Variants in SIK3 observed in about 807,000 individuals in gnomAD.
The protein encoded by SIK3 is SIK family kinase 3, also known as serine/threonine-protein kinase SIK3.
SIK3 carries 28 observed loss-of-function variants against 144.2 expected under a neutral mutation model. The ratio of observed to expected loss-of-function variants is 0.19; its 90% CI spans 0.14 to 0.27. SIK3 has a LOEUF of 0.27. Among genes scored for constraint, SIK3 ranks in the 10% least tolerant of loss-of-function variants. The pLI, the probability that SIK3 is intolerant of heterozygous loss-of-function variation, is 1.00. For synonymous variants in SIK3, 686 were observed against 676.3 expected (o/e 1.01, Z -0.22); for missense variants, 1,319 against 1,776.0 (o/e 0.74, Z 4.62).
intron 1 of SIK3, among the ~76,000 whole-genome samples, chr11:116,982,943 CAAAAAAAA>C (rs35698580): frequency 4.3e-5 from 3 of 69,854 alleles, no homozygotes; most frequent in Admixed American, 2.0e-4. Flanking sequence ...GACTCCGTCT[CAAAAAAAA>C]AAAAAAAAAA....
intron 1 of SIK3, among the ~76,000 whole-genome samples, chr11:117,061,754 A>G (rs1178839533): frequency 2.6e-5 from 4 of 152,190 alleles, no homozygotes; most frequent in African/African-American, 4.8e-5. Context: ...ATTCGCTGGT[A>G]TGATTATTAT....
chr11:116,855,100 A>AAAAAC (rs1418939192), intron 21 of SIK3, among the ~76,000 whole-genome samples: 3 of 146,482 alleles, frequency 2.0e-5, no homozygotes, highest in African/African-American at 7.5e-5. Context: ...AAAAAAAAAA[A>AAAAAC]AAAAAAAAAC....
At chr11:117,052,537 T>C (rs551223837) in intron 1 of SIK3, among the ~76,000 whole-genome samples, 2 of 152,182 alleles carry the variant, frequency 1.3e-5, no homozygotes, top group Non-Finnish European at 2.9e-5. Context: ...CTTCTCTGAA[T>C]CACATTTTAA....
Position 117,046,752 on chromosome 11 carries a change from C to T in SIK3, c.273+51391G>A, listed in dbSNP as rs916120980. The stretch of plus-strand genomic sequence containing the variant: ...AAAATTAGTCACACACGGTGGTACT[C>T]GCCTGTAGTCCCAGCTGCTCAGGAG... On this transcript the variant is annotated intron_variant, in intron 1 of 24. Coordinates refer to ENST00000445177, the MANE Select transcript of SIK3 (RefSeq NM_001366686.3). 8.5e-5 allele frequency among the ~76,000 whole-genome samples: 13 copies of T among 152,218 alleles called. No homozygotes were observed. In the South Asian group the frequency reaches 1.0e-3, roughly 12 times the overall value.
chr11:117,009,655 A>AC (rs779609873), intron 1 of SIK3, among the ~76,000 whole-genome samples: 23 of 152,352 alleles, frequency 1.5e-4, no homozygotes, highest in Middle Eastern at 3.4e-3. Context: ...AGGCACAATT[A>AC]CTTTATAGGC....
rs190428013 is a variant in SIK3, at chr11:117,056,427, T to C, written c.273+41716A>G. The stretch of plus-strand genomic sequence containing the variant: ...CATTAGGAGATATACCTTATGTAAA[T>C]GATGAGTTAATGAGTGCAGCACACC... On this transcript the variant is annotated intron_variant, in intron 1 of 24. Coordinates refer to ENST00000445177, the MANE Select transcript of SIK3 (RefSeq NM_001366686.3). 2.0e-3 allele frequency among the ~76,000 whole-genome samples: 306 copies of C among 151,986 alleles called. 3 individuals carry two copies. The highest frequency in any genetic ancestry group is 6.9e-3 in the African/African-American group (286 of 41,452).
chr11:116,950,984 C>T (rs1948908469), intron 3 of SIK3, among the ~76,000 whole-genome samples: 2 of 152,194 alleles, frequency 1.3e-5, no homozygotes, highest in African/African-American at 4.8e-5. Context: ...GGCAGGTCAG[C>T]AGAGCTCCTC....
At chr11:116,946,007 T>TA (rs1565485209) in intron 3 of SIK3, among the ~76,000 whole-genome samples, 1 of 152,194 alleles carries the variant, frequency 6.6e-6, no homozygotes, top group Non-Finnish European at 1.5e-5. Flanking sequence ...TTCTTCTACC[T>TA]AAAAAATTGC....
intron 4 of SIK3, among the ~76,000 whole-genome samples, chr11:116,923,558 T>A (rs896389391): frequency 6.6e-6 from 1 of 152,048 alleles, no homozygotes; most frequent in African/African-American, 2.4e-5. Context: ...AGAAAGGAGG[T>A]TCAGGCAATG....
chr11:117,045,105 T>C (rs1952901436), intron 1 of SIK3, among the ~76,000 whole-genome samples: 1 of 152,176 alleles, frequency 6.6e-6, no homozygotes, highest in African/African-American at 2.4e-5. Context: ...CATTTCAACA[T>C]TGCTCTTCCC....
In SIK3 at chr11:116,861,907, TGAG is replaced by T; in HGVS notation, c.2246_2248del (p.Pro749del). The T allele has an allele frequency of 1.2e-6, 2 of 1,611,048 alleles. No individual in the cohort carries two copies. The highest frequency in any genetic ancestry group is 1.7e-6 in the Non-Finnish European group (2 of 1,178,818). On this transcript the variant is annotated inframe_deletion, in exon 18 of 25. Transcript: ENST00000445177. ...TGCAGCCTGAAGAGGTGGAGATGGC[TGAG>T]GAGGACAGATAGAGTCCTAAAACAT...
chr11:116,905,270 T>C (rs1945966142), intron 4 of SIK3, among the ~76,000 whole-genome samples: 1 of 152,272 alleles, frequency 6.6e-6, no homozygotes, highest in South Asian at 2.1e-4. Flanking sequence ...ATCCATGTTG[T>C]TGCCTATGTC....
At chr11:117,027,958 C>G (rs1021336438) in intron 1 of SIK3, among the ~76,000 whole-genome samples, 2 of 152,198 alleles carry the variant, frequency 1.3e-5, no homozygotes, top group Non-Finnish European at 2.9e-5. Flanking sequence ...TCACTTCGTT[C>G]AAGACAATGC....
chr11:116,894,590 A>G (rs918025546), intron 6 of SIK3, among the ~76,000 whole-genome samples: 4 of 152,302 alleles, frequency 2.6e-5, no homozygotes, highest in East Asian at 3.9e-4. Flanking sequence ...TTCAAATTCT[A>G]CTTCAGCCAC....
At chr11:117,044,698 T>C (rs527795814) in intron 1 of SIK3, among the ~76,000 whole-genome samples, 97 of 151,750 alleles carry the variant, frequency 6.4e-4, no homozygotes, top group African/African-American at 2.2e-3. Flanking sequence ...TTGGGCAACA[T>C]AGGGAGACCC....
chr11:116,951,927 C>T (rs1948953503), intron 3 of SIK3, among the ~76,000 whole-genome samples: 1 of 145,754 alleles, frequency 6.9e-6, no homozygotes, highest in African/African-American at 2.5e-5. Flanking sequence ...AGCCAAGACC[C>T]TAGCTCAAAA....
intron 1 of SIK3, among the ~76,000 whole-genome samples, chr11:117,045,280 T>G (rs769484820): frequency 1.3e-5 from 2 of 152,224 alleles, no homozygotes; most frequent in African/African-American, 2.4e-5. Context: ...CTCCCCTCTC[T>G]GGCCTCCTAA....
rs1565345789 is a variant in SIK3 at position 116,844,647 on chromosome 11, T to TA, written c.*995_*996insT. On this transcript the variant is annotated 3_prime_UTR_variant, in exon 25 of 25. Transcript: ENST00000445177. ...TATATATAATATATTATATTATATA[T>TA]TATATATATAATATATATATACACA... 14 of 109,510 alleles carry TA rather than the reference T, an allele frequency of 1.3e-4. No homozygotes were observed. Among genetic ancestry groups the TA allele is most frequent in the South Asian group, 1.2e-3 (4 of 3,202 alleles). The allele number at this position is 109,510 out of a possible 1,614,324, so 6.8% of individuals were successfully genotyped here. A position where few individuals can be genotyped will look rare whatever the true frequency, so the allele number is the denominator to read the frequency against.
intron 1 of SIK3, among the ~76,000 whole-genome samples, chr11:117,081,599 GGGC>G (rs1954790993): frequency 6.6e-6 from 1 of 152,144 alleles, no homozygotes; most frequent in African/African-American, 2.4e-5. Flanking sequence ...ACTCCAGCGT[GGGC>G]GACAGAGCGA....
Sources: gnomAD v4.1 joint callset for allele counts (sites outside exome capture counted in the v4.1 genomes callset) on GRCh38, gnomAD v4.1.1 for gene constraint, MANE v1.5 for transcripts, NCBI Gene and HGNC (gene_info 2026-07-23, HGNC 2026-07-21) for gene names.